ZNF385D: variants seen among roughly 807,000 people sequenced by gnomAD.
The protein encoded by ZNF385D is zinc finger protein 659.
A neutral mutation model predicts 35.8 loss-of-function variants in ZNF385D; 15 were observed. The observed-to-expected ratio is 0.42, with a 90% CI of 0.28 to 0.64. ZNF385D has a LOEUF of 0.64. ZNF385D is among the 30% of genes least tolerant of loss of function. ZNF385D has a pLI of 0.23. For synonymous variants in ZNF385D, 212 were observed against 186.8 expected, an observed-to-expected ratio of 1.13 and a Z score of -1.10; for missense variants, 474 against 494.6, an observed-to-expected ratio of 0.96 and a Z score of 0.39.
intron 3 of ZNF385D, among the ~76,000 whole-genome samples, chr3:22,149,034 G>T (rs930433888): frequency 6.6e-6 from 1 of 152,068 alleles, no homozygotes. Context: ...GCCATGGGCT[G>T]GATGGATGCT....
At chr3:21,570,402 G>A (rs901611639) in intron 2 of ZNF385D, among the ~76,000 whole-genome samples, 5 of 152,168 alleles carry the variant, frequency 3.3e-5, no homozygotes, top group Non-Finnish European at 5.9e-5. Flanking sequence ...TAGGACTGTT[G>A]TATTTTCAGA....
chr3:22,062,633 G>C (rs991592252), intron 3 of ZNF385D, among the ~76,000 whole-genome samples: 19 of 152,166 alleles, frequency 1.2e-4, no homozygotes, highest in Non-Finnish European at 2.4e-4. Context: ...CGCCCCCAAA[G>C]ATGCACTCTA....
At chr3:22,118,751 A>G (rs1252629250) in intron 3 of ZNF385D, among the ~76,000 whole-genome samples, 1 of 152,116 alleles carries the variant, frequency 6.6e-6, no homozygotes, top group African/African-American at 2.4e-5. Flanking sequence ...TCTTCTGTTA[A>G]CAGTCATAGT....
chr3:21,990,581 A>T (rs1291661011), intron 3 of ZNF385D, among the ~76,000 whole-genome samples: 1 of 152,252 alleles, frequency 6.6e-6, no homozygotes, highest in East Asian at 1.9e-4. Flanking sequence ...TGTACTTAAT[A>T]TATGATGTAT....
intron 3 of ZNF385D, among the ~76,000 whole-genome samples, chr3:22,035,826 A>G (rs1299147904): frequency 6.6e-6 from 1 of 152,202 alleles, no homozygotes; most frequent in Non-Finnish European, 1.5e-5. Context: ...GGATTCTAGG[A>G]TCTAAAAATA....
intron 4 of ZNF385D, among the ~76,000 whole-genome samples, chr3:21,508,749 A>G (rs908818263): frequency 1.3e-5 from 2 of 152,206 alleles, no homozygotes; most frequent in Non-Finnish European, 2.9e-5. Flanking sequence ...TGTCTATAAA[A>G]ATGATACTAA....
At chr3:21,455,538 G>A (rs566531137) in intron 4 of ZNF385D, among the ~76,000 whole-genome samples, 2 of 152,284 alleles carry the variant, frequency 1.3e-5, no homozygotes, top group African/African-American at 4.8e-5. Flanking sequence ...GCCATATGTA[G>A]AAAGCTGAAA....
At chr3:21,580,785 GTA>G (rs1386558463) in intron 2 of ZNF385D, among the ~76,000 whole-genome samples, 1 of 146,056 alleles carries the variant, frequency 6.8e-6, no homozygotes, top group African/African-American at 2.5e-5. Flanking sequence ...GAATATATAT[GTA>G]TGTTTGTGTC....
At position 22,347,501 on chromosome 3, in the gene ZNF385D, A is replaced by T. The variant is rs568922519; in HGVS notation, c.106+24949T>A. Among the ~76,000 whole-genome samples, 3 of 152,230 alleles carry T rather than the reference A, an allele frequency of 2.0e-5. No homozygotes were observed. The South Asian group carries it at 6.2e-4, about 31-fold the overall frequency. ...TCAATTTTAGAAAAGGCTAGCTAAC[A>T]TCAGAAAAACTGCACAGTTTCAAAA... On this transcript the variant is annotated intron_variant, in intron 2 of 5. Transcript: ENST00000494108.
intron 3 of ZNF385D, among the ~76,000 whole-genome samples, chr3:21,787,944 C>CAAAAAAAAAAAAAAAAAAAAAAAAA (rs560982379): frequency 4.0e-5 from 3 of 75,388 alleles, no homozygotes; most frequent in Non-Finnish European, 7.0e-5. Flanking sequence ...TTCGTCTCAA[C>CAAAAAAAAAAAAAAAAAAAAAAAAA]AAAAAAAAAA....
chr3:21,937,423 A>T (rs919117639), intron 3 of ZNF385D, among the ~76,000 whole-genome samples: 1 of 152,106 alleles, frequency 6.6e-6, no homozygotes, highest in African/African-American at 2.4e-5. Context: ...CTACAGACCT[A>T]TGTGATATTG....
intron 3 of ZNF385D, among the ~76,000 whole-genome samples, chr3:21,961,698 G>C (rs1032492606): frequency 6.6e-6 from 1 of 152,074 alleles, no homozygotes; most frequent in African/African-American, 2.4e-5. Context: ...TAAGTGAATG[G>C]ATTGCATCCA....
intron 3 of ZNF385D, among the ~76,000 whole-genome samples, chr3:22,155,058 T>C (rs1705499649): frequency 6.6e-6 from 1 of 152,146 alleles, no homozygotes; most frequent in Non-Finnish European, 1.5e-5. Flanking sequence ...TAATTGATCT[T>C]ATGTGAAGGA....
At chr3:21,658,543 G>GT (rs1292637746) in intron 2 of ZNF385D, among the ~76,000 whole-genome samples, 2 of 151,720 alleles carry the variant, frequency 1.3e-5, no homozygotes, top group Admixed American at 1.3e-4. Context: ...TCTGTTATGT[G>GT]TTTTTCCTGT....
chr3:22,163,535 C>A (rs1320820770), intron 3 of ZNF385D, among the ~76,000 whole-genome samples: 2 of 151,432 alleles, frequency 1.3e-5, no homozygotes, highest in African/African-American at 4.9e-5. Context: ...CTTGCTTATT[C>A]AAGTTTTTTT....
chr3:22,088,337 T>C (rs1871523), intron 3 of ZNF385D, among the ~76,000 whole-genome samples: 20,231 of 152,244 alleles, frequency 0.13, 1,587 homozygotes, highest in Middle Eastern at 0.23. Context: ...TCTTCATAGA[T>C]AGCTTCAGAA....
intron 4 of ZNF385D, among the ~76,000 whole-genome samples, chr3:21,444,941 T>C (rs897218270): frequency 2.6e-5 from 4 of 152,110 alleles, no homozygotes; most frequent in Non-Finnish European, 5.9e-5. Context: ...ACACCTTGAC[T>C]TGGGTCAGGC....
intron 3 of ZNF385D, among the ~76,000 whole-genome samples, chr3:21,844,628 C>G (rs2670271): frequency 0.21 from 31,137 of 151,866 alleles, 3,559 homozygotes; most frequent in Middle Eastern, 0.33. Context: ...ACATTCAATC[C>G]AAATTCAGTG....
At chr3:22,356,591 G>T (rs1452802492) in intron 2 of ZNF385D, among the ~76,000 whole-genome samples, 2 of 151,918 alleles carry the variant, frequency 1.3e-5, no homozygotes, top group African/African-American at 4.8e-5. Context: ...AGATTTCAAG[G>T]AAATATAAAG....
Sources: allele counts gnomAD v4.1 joint callset (sites outside exome capture counted in the v4.1 genomes callset), GRCh38; gene constraint gnomAD v4.1.1; transcripts MANE v1.5; gene names NCBI Gene and HGNC (gene_info 2026-07-23, HGNC 2026-07-21).